The following ZMYM3 variants were observed in gnomAD, a reference collection of about 807,000 sequenced individuals.
ZMYM3 encodes zinc finger MYM-type protein 3.
ZMYM3 carries 6 observed loss-of-function variants against 94.2 expected under a neutral mutation model. The observed-to-expected ratio is 0.06, with a 90% CI of 0.03 to 0.13. The LOEUF is 0.13. ZMYM3 is among the 10% of genes least tolerant of loss of function. ZMYM3 has a pLI of 1.00. For missense variants in ZMYM3, 664 were observed against 1,132.6 expected (o/e 0.59, Z 5.94); for synonymous variants, 420 against 426.5 (o/e 0.98, Z 0.19).
chrX:71,245,616 G>C, intron 17 of ZMYM3, 52 bp downstream of exon 17: 1 of 1,186,821 alleles, frequency 8.4e-7, no homozygotes, highest in Non-Finnish European at 1.1e-6. Context: ...CCCTCGGGCA[G>C]AGACATGCTG....
rs1307493542 is a variant in ZMYM3, at chrX:71,248,847, GGA to G, written c.1622-48_1622-47del. The G allele has an allele frequency of 3.6e-6, 4 of 1,106,276 alleles. No homozygotes were observed. In the African/African-American group the frequency reaches 5.5e-5, roughly 15 times the overall value. 91.2% of individuals were successfully genotyped at this position (1,106,276 alleles called of 1,213,427 possible). ...GAGAGAGGAAAAGAGAAAGAGAGAG[GGA>G]GAGAGAGAGCACACAGAAGGTGTAA... On this transcript the variant is annotated intron_variant, in intron 8 of 24. Transcript: ENST00000314425.
rs1368402019 is a variant in ZMYM3 at position 71,251,179 on chromosome X, G to C, written c.777C>G (p.Ser259Arg). 5 of 1,207,004 alleles carry C rather than the reference G, an allele frequency of 4.1e-6. No individual in the cohort carries two copies. The highest frequency in any genetic ancestry group is 5.6e-6 in the Non-Finnish European group (5 of 893,981). Reference sequence around the variant, plus strand: ...CACACTTCCTCAAATCCTACTTACTGCTCTCAGTGGAATCTACAACCTCAG... The same window carrying C: ...CACACTTCCTCAAATCCTACTTACTCCTCTCAGTGGAATCTACAACCTCAG... ...PKPEVVDSTE[S>R]IPVSDEDSDA... The change falls in exon 4 of 25, where the codon AGC becomes AGG. Residue 259 changes from serine (S) to arginine (R), a missense_variant and splice_region_variant. Ser to Arg is a moderately radical substitution (Grantham distance 110). Transcript: ENST00000314425.
chrX:71,243,356 G>A (rs1291712449), intron 21 of ZMYM3, among the ~76,000 whole-genome samples: 1 of 110,998 alleles, frequency 9.0e-6, no homozygotes, highest in Admixed American at 9.6e-5. Context: ...CTCCCAGGGG[G>A]AACTAAACAT....
At chrX:71,245,935 A>G (rs1285333856) in intron 16 of ZMYM3, 51 bp downstream of exon 16, 3 of 1,190,478 alleles carry the variant, frequency 2.5e-6, no homozygotes, top group Non-Finnish European at 3.4e-6. Flanking sequence ...GGGACAGTTG[A>G]TGAGAGTAAG....
chrX:71,247,694 G>A, intron 12 of ZMYM3, 40 bp downstream of exon 12: 1 of 1,190,783 alleles, frequency 8.4e-7, no homozygotes, highest in South Asian at 1.9e-5. Flanking sequence ...GCTCCCCACT[G>A]CCCTCTTTCC....
Position 71,239,971 on chromosome X carries a change from C to T in ZMYM3, c.*945G>A, listed in dbSNP as rs1238109737. ...CCTCGCCTGTCCTTTGACCACAGATCCCATCCTGCATGACTCAAGGTCCCA... is the reference window on the plus strand; with the variant it reads ...CCTCGCCTGTCCTTTGACCACAGATTCCATCCTGCATGACTCAAGGTCCCA... On this transcript the variant is annotated 3_prime_UTR_variant, in exon 25 of 25. Coordinates refer to ENST00000314425, the MANE Select transcript of ZMYM3 (RefSeq NM_201599.3). 2 of 112,860 alleles carry T rather than the reference C, an allele frequency of 1.8e-5. No individual in the cohort carries two copies. Among genetic ancestry groups the T allele is most frequent in the Non-Finnish European group, 3.8e-5 (2 of 53,288 alleles). 9.3% of individuals were successfully genotyped at this position (112,860 alleles called of 1,213,427 possible).
At chrX:71,245,280 C>T in intron 18 of ZMYM3, 59 bp downstream of exon 18, 1 of 1,185,251 alleles carries the variant, frequency 8.4e-7, no homozygotes, top group South Asian at 1.9e-5. Flanking sequence ...AAGGGACACT[C>T]CCTTCCTGAT....
chrX:71,240,772 A>G lies in ZMYM3; in HGVS notation c.*144T>C. On this transcript the variant is annotated 3_prime_UTR_variant, in exon 25 of 25. Coordinates refer to ENST00000314425, the MANE Select transcript of ZMYM3 (RefSeq NM_201599.3). The stretch of plus-strand genomic sequence containing the variant: ...GAAGAAGATAAAAGCCAGGGTTCCT[A>G]GAGAAGGCAGGGAATGGGTGAGCGG... The G allele has an allele frequency of 1.7e-6, 1 of 585,098 alleles. No individual in the cohort carries two copies. 48.2% of individuals were successfully genotyped at this position (585,098 alleles called of 1,213,427 possible). A position where few individuals can be genotyped will look rare whatever the true frequency, so the allele number is the denominator to read the frequency against.
chrX:71,244,641 G>A, intron 19 of ZMYM3, 149 bp downstream of exon 19: 3 of 769,102 alleles, frequency 3.9e-6, no homozygotes. Context: ...GAGATGGGGG[G>A]AGAGCAAAGT....
At position 71,245,805 on chromosome X, in the gene ZMYM3, C is replaced by T. The variant is rs1216214976; in HGVS notation, c.2723G>A (p.Ser908Asn). 5.0e-6 allele frequency: 6 copies of T among 1,209,023 alleles called. No homozygotes were observed. The highest frequency in any genetic ancestry group is 3.5e-5 in the South Asian group (2 of 56,742). ...AATGGTCTCTACAATCTTGTCTGTGCTCTCCAAGGTAGTGGGCAAGAACAT... is the reference window on the plus strand; with the variant it reads ...AATGGTCTCTACAATCTTGTCTGTGTTCTCCAAGGTAGTGGGCAAGAACAT... ...VPMFLPTTLESTDKIVETIEE... is the reference protein window; with the variant it reads ...VPMFLPTTLENTDKIVETIEE... Residue 908 changes from serine (S) to asparagine (N), a missense_variant, in exon 17 of 25, where the codon AGC becomes AAC. This residue lies in a region of ZMYM3 where 75 missense variants were observed against 152.5 expected (regional missense o/e 0.49). Coordinates refer to ENST00000314425, the MANE Select transcript of ZMYM3 (RefSeq NM_201599.3).
chrX:71,247,613 G>A, intron 12 of ZMYM3, 103 bp from the exon 13 acceptor site: 4 of 1,139,050 alleles, frequency 3.5e-6, no homozygotes, highest in Non-Finnish European at 4.7e-6. Flanking sequence ...GATCGGGCCA[G>A]CTTAGAGATG....
Position 71,248,716 on chromosome X carries a change from G to A in ZMYM3, c.1707C>T (p.Phe569=). ...ACTTGGTCCAGCAGCTGGGGCTGCA[G>A]AACTGGTAGACTGTGCGGTCAACCT... ...YNKVDRTVYQ[F]CSPSCWTKFQ... Residue 569 remains phenylalanine (F), a synonymous_variant, in exon 9 of 25, where the codon TTC becomes TTT. Coordinates refer to ENST00000314425, the MANE Select transcript of ZMYM3 (RefSeq NM_201599.3). 1 of 1,206,980 alleles carries A rather than the reference G, an allele frequency of 8.3e-7. No homozygotes were observed.
In ZMYM3 at chrX:71,243,201, T is replaced by A. The variant is rs138059656; in HGVS notation, c.3433-117A>T. ...ATCATTAGGAGACGATGGGAAACAGTTGCTTGATTAGGTGGCCTCGAGTGC... is the reference window on the plus strand; with the variant it reads ...ATCATTAGGAGACGATGGGAAACAGATGCTTGATTAGGTGGCCTCGAGTGC... On this transcript the variant is annotated intron_variant, in intron 21 of 24. Coordinates refer to ENST00000314425, the MANE Select transcript of ZMYM3 (RefSeq NM_201599.3). 59 of 606,828 alleles carry A rather than the reference T, an allele frequency of 9.7e-5. No homozygotes were observed. The East Asian group carries it at 2.1e-3, about 21-fold the overall frequency. The allele number at this position is 606,828 out of a possible 1,213,427, so 50.0% of individuals were successfully genotyped here.
At chrX:71,242,929 T>G in intron 22 of ZMYM3, 41 bp downstream of exon 22, 1 of 1,127,889 alleles carries the variant, frequency 8.9e-7, no homozygotes. Context: ...ATTGGAAGAA[T>G]GGAGAAAGCG....
chrX:71,247,136 A>G (rs1194246480), intron 13 of ZMYM3, among the ~76,000 whole-genome samples: 1 of 111,840 alleles, frequency 8.9e-6, no homozygotes, highest in Non-Finnish European at 1.9e-5. Flanking sequence ...TTCATAGACA[A>G]TCAGTAGATG....
chrX:71,249,546 G>A lies in ZMYM3; in HGVS notation c.1385C>T (p.Thr462Ile), dbSNP rs138633030. 1.4e-5 allele frequency: 17 copies of A among 1,206,926 alleles called. No individual in the cohort carries two copies. Among genetic ancestry groups the A allele is most frequent in the Non-Finnish European group, 1.9e-5 (17 of 893,812 alleles). Residue 462 changes from threonine to isoleucine, a missense_variant, in exon 7 of 25, where the codon ACC becomes ATC. Around this residue, in one of 9 missense-constraint regions of ZMYM3, gnomAD observed 159 missense variants for 313.0 expected, o/e 0.51. Transcript: ENST00000314425. ...GAGGAGCTCAGGGCCAGGACTCCCGGTCTTGGTGTAGATGTAAGCCCCACA... is the reference window on the plus strand; with the variant it reads ...GAGGAGCTCAGGGCCAGGACTCCCGATCTTGGTGTAGATGTAAGCCCCACA... ...DQCGAYIYTK[T>I]GSPGPELLFH...
At chrX:71,245,249 C>T in intron 18 of ZMYM3, 90 bp downstream of exon 18, 2 of 1,103,080 alleles carry the variant, frequency 1.8e-6, no homozygotes, top group Non-Finnish European at 2.4e-6. Context: ...GAACACTTTT[C>T]AGGGTCATGC....
In ZMYM3 at chrX:71,240,796, G is replaced by A. The variant is rs1602356000; in HGVS notation, c.*120C>T. 8.0e-6 allele frequency: 6 copies of A among 753,517 alleles called. No individual in the cohort carries two copies. Among genetic ancestry groups the A allele is most frequent in the Non-Finnish European group, 9.7e-6 (5 of 517,875 alleles). 62.1% of individuals were successfully genotyped at this position (753,517 alleles called of 1,213,427 possible). A position where few individuals can be genotyped will look rare whatever the true frequency, so the allele number is the denominator to read the frequency against. ...TAGAGAAGGCAGGGAATGGGTGAGCGGAAAGGAGCAGTCAGGGCCCTTCAG... is the reference window on the plus strand; with the variant it reads ...TAGAGAAGGCAGGGAATGGGTGAGCAGAAAGGAGCAGTCAGGGCCCTTCAG... On this transcript the variant is annotated 3_prime_UTR_variant, in exon 25 of 25. Coordinates refer to ENST00000314425, the MANE Select transcript of ZMYM3 (RefSeq NM_201599.3).
At chrX:71,244,602 A>G in intron 19 of ZMYM3, 132 bp from the exon 20 acceptor site, 1 of 885,224 alleles carries the variant, frequency 1.1e-6, no homozygotes, top group Non-Finnish European at 1.6e-6. Context: ...CATAGCACAG[A>G]GCCCCAGGAA....
Sources: gnomAD v4.1 joint callset for allele counts (sites outside exome capture counted in the v4.1 genomes callset) on GRCh38, gnomAD v4.1.1 for gene constraint, gnomAD v4.1.1 regional missense constraint, MANE v1.5 for transcripts, NCBI Gene and HGNC (gene_info 2026-07-23, HGNC 2026-07-21) for gene names.